Variants in ZNF556 observed in about 807,000 individuals in gnomAD.
ZNF556 encodes the protein zinc finger protein 556.
ZNF556 carries 11 observed loss-of-function variants against 13.6 expected under a neutral mutation model. That is an observed-to-expected ratio of 0.81 (90% confidence interval 0.51 to 1.33). The LOEUF is 1.33. ZNF556 is among the 40% of genes most tolerant of loss of function. ZNF556 has a pLI of 0.00. For missense variants in ZNF556, 633 were observed against 566.2 expected, an observed-to-expected ratio of 1.12 and a Z score of -1.20; for synonymous variants, 229 against 207.8, an observed-to-expected ratio of 1.10 and a Z score of -0.88.
rs193201262 is a variant in ZNF556, at chr19:2,877,692, C to T, written c.734C>T (p.Ser245Phe). 4.3e-6 allele frequency: 7 copies of T among 1,614,178 alleles called. No homozygotes were observed. In the East Asian group the frequency reaches 1.1e-4, roughly 26 times the overall value. ...QCGKGFSCPK[S>F]FRAHVMMHAG... ...GGGAAAGGCTTCAGTTGTCCCAAAT[C>T]CTTTCGCGCACATGTGATGATGCAC... Residue 245 changes from serine to phenylalanine, a missense_variant, in exon 4 of 4, where the codon TCC becomes TTC. Coordinates refer to ENST00000307635, the MANE Select transcript of ZNF556 (RefSeq NM_024967.3).
chr19:2,873,667 G>A (rs1259554930), intron 2 of ZNF556, 45 bp downstream of exon 2: 3 of 1,589,172 alleles, frequency 1.9e-6, no homozygotes, highest in East Asian at 2.3e-5. Flanking sequence ...GATAATAAAT[G>A]TTTTGTCTGG....
intron 1 of ZNF556, among the ~76,000 whole-genome samples, chr19:2,872,170 G>A (rs1181758153): frequency 6.6e-6 from 1 of 151,954 alleles, no homozygotes; most frequent in Non-Finnish European, 1.5e-5. Context: ...ACTGCGGGCG[G>A]GCCTGACTGA....
rs57053138 is a variant in ZNF556, at chr19:2,882,531, A to ATTGTGTGT, written c.*4202_*4203insTTGTGTGT. The ATTGTGTGT allele has an allele frequency of 1.1e-4, 14 of 127,724 alleles. No homozygotes were observed. The highest frequency in any genetic ancestry group is 5.8e-4 in the Admixed American group (7 of 12,142). 7.9% of individuals were successfully genotyped at this position (127,724 alleles called of 1,614,324 possible). Reference sequence around the variant, plus strand: ...ATACATTTTATATATATATATATATAGTGTGTGTGTGTGTGTGTGTGTGTG... The same window carrying ATTGTGTGT: ...ATACATTTTATATATATATATATATATTGTGTGTGTGTGTGTGTGTGTGTGTGTGTGTG... On this transcript the variant is annotated 3_prime_UTR_variant, in exon 4 of 4. Coordinates refer to ENST00000307635, the MANE Select transcript of ZNF556 (RefSeq NM_024967.3).
rs1219441108 is a variant in ZNF556 at position 2,873,390 on chromosome 19, T to C, written c.4-106T>C. The C allele has an allele frequency of 3.0e-6, 4 of 1,353,162 alleles. No homozygotes were observed. The South Asian group carries it at 4.0e-5, about 14-fold the overall frequency. 83.8% of individuals were successfully genotyped at this position (1,353,162 alleles called of 1,614,324 possible). On this transcript the variant is annotated intron_variant, in intron 1 of 3. Transcript: ENST00000307635. Reference sequence around the variant, plus strand: ...CTGAGGACTGAGTCTTAAATAGATATTGGCAGACTGCAGGATCTTGTGTGA... The same window carrying C: ...CTGAGGACTGAGTCTTAAATAGATACTGGCAGACTGCAGGATCTTGTGTGA...
In ZNF556 at chr19:2,883,113, T is replaced by C. The variant is rs1343722255; in HGVS notation, c.*4784T>C. ...GTAGCCCGTTGCGAGTGTTTTCCCA[T>C]GTGCACAGTGATATCTAGGCAAGTG... is the stretch of plus-strand genomic sequence containing the variant. On this transcript the variant is annotated 3_prime_UTR_variant, in exon 4 of 4. Transcript: ENST00000307635. The C allele has an allele frequency of 6.6e-6, 1 of 152,146 alleles. No homozygotes were observed. The highest frequency in any genetic ancestry group is 1.5e-5 in the Non-Finnish European group (1 of 68,034). The allele number at this position is 152,146 out of a possible 1,614,324, so 9.4% of individuals were successfully genotyped here.
rs1230465929 is a variant in ZNF556, at chr19:2,878,218, T to C, written c.1260T>C (p.Ile420=). The C allele has an allele frequency of 1.2e-6, 2 of 1,614,052 alleles. No individual in the cohort carries two copies. Among genetic ancestry groups the C allele is most frequent in the African/African-American group, 2.7e-5 (2 of 74,928 alleles). ...CTTCCAAAAATGTAAGAACGCAGAT[T>C]GGACAGAAGCCCAGTAAATGCGAAA... The part of the protein sequence containing the change: ...LCSSKNVRTQ[I]GQKPSKCEKC... The change falls in exon 4 of 4, where the codon ATT becomes ATC. Residue 420 remains isoleucine, a synonymous_variant. Transcript: ENST00000307635.
rs1438225661 is a variant in ZNF556 at position 2,881,383 on chromosome 19, A to G, written c.*3054A>G. On this transcript the variant is annotated 3_prime_UTR_variant, in exon 4 of 4. Transcript: ENST00000307635. The stretch of plus-strand genomic sequence containing the variant: ...GGAGTTCGAGACCACGCTGGCCAAC[A>G]TGGTGAACATGGTGAAACCTTGTCT... 6.6e-6 allele frequency: 1 copy of G among 152,050 alleles called. No homozygotes were observed. Among genetic ancestry groups the G allele is most frequent in the African/African-American group, 2.4e-5 (1 of 41,414 alleles). 9.4% of individuals were successfully genotyped at this position (152,050 alleles called of 1,614,324 possible).
At position 2,883,225 on chromosome 19, in the gene ZNF556, T is replaced by A. The variant is rs1352451236; in HGVS notation, c.*4896T>A. The A allele has an allele frequency of 6.6e-6, 1 of 152,208 alleles. No individual in the cohort carries two copies. The highest frequency in any genetic ancestry group is 1.5e-5 in the Non-Finnish European group (1 of 68,038). The allele number at this position is 152,208 out of a possible 1,614,324, so 9.4% of individuals were successfully genotyped here. On this transcript the variant is annotated 3_prime_UTR_variant, in exon 4 of 4. Transcript: ENST00000307635. ...CTGAAGTGAGCTGCAGACAGGATTA[T>A]CATTTTGAGTAACATCCCAATGTAT... is the stretch of plus-strand genomic sequence containing the variant.
Position 2,876,377 on chromosome 19 carries a change from G to A in ZNF556, c.314+101G>A, listed in dbSNP as rs947663302. The stretch of plus-strand genomic sequence containing the variant: ...GGCCAAGGGAGGCGGATCACCTGGG[G>A]TGAGGAGTTTGTGACCAGCCTGACC... On this transcript the variant is annotated intron_variant, in intron 3 of 3. Coordinates refer to ENST00000307635, the MANE Select transcript of ZNF556 (RefSeq NM_024967.3). The A allele has an allele frequency of 3.8e-5, 47 of 1,240,268 alleles. 2 individuals carry two copies. In the South Asian group the frequency reaches 4.5e-4, roughly 12 times the overall value. The allele number at this position is 1,240,268 out of a possible 1,614,324, so 76.8% of individuals were successfully genotyped here.
At chr19:2,874,707 G>A (rs1455214633) in intron 2 of ZNF556, among the ~76,000 whole-genome samples, 1 of 136,776 alleles carries the variant, frequency 7.3e-6, no homozygotes, top group African/African-American at 2.8e-5. Context: ...TTGTATCACT[G>A]CACTCCAGCC....
chr19:2,872,005 A>G (rs2087806856), intron 1 of ZNF556, among the ~76,000 whole-genome samples: 1 of 152,218 alleles, frequency 6.6e-6, no homozygotes. Context: ...AGCTTATGCC[A>G]TTATTTCTGC....
At position 2,867,342 on chromosome 19, in the gene ZNF556, C is replaced by T; in HGVS notation, c.-80C>T. ...GCACACCCGGCCTGCCCTGAGTGAC[C>T]ACAGGTGTCCCCGTCGTGCTCACCT... On this transcript the variant is annotated 5_prime_UTR_variant, in exon 1 of 4. Coordinates refer to ENST00000307635, the MANE Select transcript of ZNF556 (RefSeq NM_024967.3). 6.5e-7 allele frequency: 1 copy of T among 1,547,270 alleles called. No homozygotes were observed.
At chr19:2,870,474 C>T (rs971948431) in intron 1 of ZNF556, among the ~76,000 whole-genome samples, 2 of 142,820 alleles carry the variant, frequency 1.4e-5, no homozygotes, top group Non-Finnish European at 3.0e-5. Context: ...TGGCCAGGCA[C>T]GATGGCTCAC....
At chr19:2,872,770 G>C (rs1329443855) in intron 1 of ZNF556, among the ~76,000 whole-genome samples, 1 of 147,690 alleles carries the variant, frequency 6.8e-6, no homozygotes. Flanking sequence ...AATGAGCCGG[G>C]ATCGCGCCAC....
chr19:2,871,378 A>G (rs1233702184), intron 1 of ZNF556, among the ~76,000 whole-genome samples: 1 of 152,166 alleles, frequency 6.6e-6, no homozygotes, highest in Non-Finnish European at 1.5e-5. Context: ...AGAGTAGAAG[A>G]GTGATTGCCT....
At chr19:2,871,343 A>G (rs75650252) in intron 1 of ZNF556, among the ~76,000 whole-genome samples, 1 of 152,222 alleles carries the variant, frequency 6.6e-6, no homozygotes, top group Admixed American at 6.5e-5. Flanking sequence ...TGAAGAATCA[A>G]AAAGAACCAG....
At position 2,876,274 on chromosome 19, in the gene ZNF556, G is replaced by A. The variant is rs374875450; in HGVS notation, c.312G>A (p.Leu104=). 6.3e-7 allele frequency: 1 copy of A among 1,587,010 alleles called. No individual in the cohort carries two copies. The highest frequency in any genetic ancestry group is 8.5e-7 in the Non-Finnish European group (1 of 1,171,346). ...AGCACAACACCAAGGAGAGACATTTGAGGTGAGTTGTACTTAGAAGAAAAA... is the reference window on the plus strand; with the variant it reads ...AGCACAACACCAAGGAGAGACATTTAAGGTGAGTTGTACTTAGAAGAAAAA... ...KDKHNTKERH[L]SRNPRVERPC... is the part of the protein sequence containing the mutation. The change falls in exon 3 of 4, where the codon TTG becomes TTA. Residue 104 remains leucine, a splice_region_variant and synonymous_variant. Transcript: ENST00000307635.
At chr19:2,869,296 C>T (rs1295998457) in intron 1 of ZNF556, among the ~76,000 whole-genome samples, 1 of 152,152 alleles carries the variant, frequency 6.6e-6, no homozygotes, top group Admixed American at 6.6e-5. Context: ...AATAATTAGT[C>T]TTCCTTGATT....
intron 1 of ZNF556, 36 bp from the exon 2 acceptor site, chr19:2,873,460 C>T (rs1022779549): frequency 2.5e-6 from 4 of 1,609,702 alleles, no homozygotes; most frequent in Non-Finnish European, 3.4e-6. Flanking sequence ...GTGAGTTTTA[C>T]CCCATCCTCA....
Sources: allele counts gnomAD v4.1 joint callset (sites outside exome capture counted in the v4.1 genomes callset), GRCh38; gene constraint gnomAD v4.1.1; transcripts MANE v1.5; gene names NCBI Gene and HGNC (gene_info 2026-07-23, HGNC 2026-07-21).